NRG3: variants seen among roughly 807,000 people sequenced by gnomAD.
The protein encoded by NRG3 is neuregulin 3, also known as pro-neuregulin-3, membrane-bound isoform.
A neutral mutation model predicts 66.9 loss-of-function variants in NRG3; 31 were observed. The ratio of observed to expected loss-of-function variants is 0.46; its 90% confidence interval spans 0.35 to 0.63. The LOEUF is 0.63. NRG3 is among the 20% of genes least tolerant of loss of function. NRG3 has a pLI of 0.00. For missense variants in NRG3, 910 were observed against 878.9 expected (o/e 1.04, Z -0.45); for synonymous variants, 393 against 359.4 (o/e 1.09, Z -1.06).
intron 1 of NRG3, chr10:82,340,976 A>C (rs921168201): frequency 6.6e-5 from 10 of 152,164 alleles, no homozygotes; most frequent in African/African-American, 2.4e-4. Flanking sequence ...ACTTTAAATA[A>C]CTAAGAGTGT....
rs373347596 is a variant in NRG3 at position 82,737,298 on chromosome 10, T to A, written c.954-1279T>A. Among the ~76,000 whole-genome samples, 9 of 152,274 alleles carry A rather than the reference T, an allele frequency of 5.9e-5. No individual in the cohort carries two copies. The East Asian group carries it at 1.2e-3, about 20-fold the overall frequency. On this transcript the variant is annotated intron_variant, in intron 2 of 8. Transcript: ENST00000372141. Reference sequence around the variant, plus strand: ...AGGTGTTGAAGAGAGCCTGCCCGATTACCTGAATTCCAATTTGGCTCACAA... The same window carrying A: ...AGGTGTTGAAGAGAGCCTGCCCGATAACCTGAATTCCAATTTGGCTCACAA...
chr10:82,691,820 G>T (rs1415842691), intron 2 of NRG3, among the ~76,000 whole-genome samples: 2 of 152,286 alleles, frequency 1.3e-5, no homozygotes, highest in East Asian at 3.9e-4. Flanking sequence ...GAGGGATCAA[G>T]TAACTTGCAA....
In NRG3 at chr10:82,061,872, A is replaced by AAC. The variant is rs71007292; in HGVS notation, c.823+185727_823+185728dup. On this transcript the variant is annotated intron_variant, in intron 1 of 8. Coordinates refer to ENST00000372141, the MANE Select transcript of NRG3 (RefSeq NM_001010848.4). ...TCTCTCTCTCTCTCTCACACACACA[A>AAC]ACACACACACACACACACATACATC... Among the ~76,000 whole-genome samples the AAC allele has an allele frequency of 8.5e-3, 1,087 of 127,686 alleles. 10 individuals carry two copies. The highest frequency in any genetic ancestry group is 0.028 in the African/African-American group (977 of 35,524). 83.8% of individuals were successfully genotyped at this position (127,686 alleles called of 152,430 possible). A position where few individuals can be genotyped will look rare whatever the true frequency, so the allele number is the denominator to read the frequency against.
intron 2 of NRG3, among the ~76,000 whole-genome samples, chr10:82,378,598 T>A (rs1375463225): frequency 1.3e-5 from 2 of 151,868 alleles, no homozygotes; most frequent in South Asian, 2.1e-4. Context: ...TTTGACAGAG[T>A]TTTGCTCTGT....
At chr10:82,236,426 T>G (rs1353132391) in intron 1 of NRG3, among the ~76,000 whole-genome samples, 1 of 152,172 alleles carries the variant, frequency 6.6e-6, no homozygotes, top group Non-Finnish European at 1.5e-5. Flanking sequence ...CCAGGGTGCT[T>G]CTTTTAATTT....
chr10:82,660,196 C>CAAA lies in NRG3; in HGVS notation c.954-78344_954-78342dup, dbSNP rs58870828. Among the ~76,000 whole-genome samples, 15 of 19,562 alleles carry CAAA rather than the reference C, an allele frequency of 7.7e-4. 2 individuals carry two copies. The highest frequency in any genetic ancestry group is 1.4e-3 in the East Asian group (1 of 738). The allele number at this position is 19,562 out of a possible 152,430, so 12.8% of individuals were successfully genotyped here. The stretch of plus-strand genomic sequence containing the variant: ...GGGCGACAAGAGCAAAACTCCCTCT[C>CAAA]AAAAAAAAAAAAAAAAAAAAAAAAA... On this transcript the variant is annotated intron_variant, in intron 2 of 8. Coordinates refer to ENST00000372141, the MANE Select transcript of NRG3 (RefSeq NM_001010848.4).
intron 4 of NRG3, among the ~76,000 whole-genome samples, chr10:82,893,085 A>T (rs1247929259): frequency 3.3e-5 from 5 of 152,212 alleles, no homozygotes; most frequent in Non-Finnish European, 7.3e-5. Flanking sequence ...TTAAAAGATT[A>T]TGTATGATAT....
chr10:82,583,318 G>C (rs1210328786), intron 2 of NRG3, among the ~76,000 whole-genome samples: 1 of 152,122 alleles, frequency 6.6e-6, no homozygotes, highest in Non-Finnish European at 1.5e-5. Context: ...TTCAGTAACA[G>C]TCTAAATCCC....
At chr10:82,250,556 C>A (rs182472835) in intron 1 of NRG3, among the ~76,000 whole-genome samples, 2 of 152,160 alleles carry the variant, frequency 1.3e-5, no homozygotes, top group African/African-American at 2.4e-5. Context: ...CCATTGCACT[C>A]CAGCTTGGGC....
At chr10:81,966,850 A>G (rs1252986022) in intron 1 of NRG3, among the ~76,000 whole-genome samples, 1 of 152,174 alleles carries the variant, frequency 6.6e-6, no homozygotes, top group Non-Finnish European at 1.5e-5. Flanking sequence ...AATTTTTTAT[A>G]CTGCAAGTAA....
chr10:82,813,238 G>A (rs1179147927), intron 3 of NRG3, among the ~76,000 whole-genome samples: 3 of 117,302 alleles, frequency 2.6e-5, no homozygotes, highest in African/African-American at 6.5e-5. Context: ...TTTTGAGACA[G>A]GGTCTTGCTC....
At chr10:82,485,774 A>T (rs1842630697) in intron 2 of NRG3, among the ~76,000 whole-genome samples, 1 of 116,604 alleles carries the variant, frequency 8.6e-6, no homozygotes, top group Admixed American at 1.1e-4. Context: ...TTATATGACC[A>T]CAAAAGTACA....
rs150134053 is a variant in NRG3 at position 82,767,057 on chromosome 10, C to T, written c.1027+28407C>T. Among the ~76,000 whole-genome samples, 272 of 148,062 alleles carry T rather than the reference C, an allele frequency of 1.8e-3. 1 individual carries two copies. The highest frequency in any genetic ancestry group is 5.5e-3 in the African/African-American group (221 of 40,318). ...TATATAAGGATGATATATATAAATC[C>T]TTAATATGTGGATACAATGATCCAT... On this transcript the variant is annotated intron_variant, in intron 3 of 8. Transcript: ENST00000372141.
intron 2 of NRG3, among the ~76,000 whole-genome samples, chr10:82,673,965 G>C (rs532277527): frequency 1.3e-5 from 2 of 152,056 alleles, no homozygotes; most frequent in Non-Finnish European, 2.9e-5. Context: ...AATAAAAGGC[G>C]GGTTTAGGAG....
At chr10:82,401,168 G>C (rs1273875534) in intron 2 of NRG3, among the ~76,000 whole-genome samples, 2 of 151,974 alleles carry the variant, frequency 1.3e-5, no homozygotes, top group African/African-American at 2.4e-5. Flanking sequence ...AGAGGTGTCT[G>C]GTAAGCTAAA....
chr10:82,080,541 A>G (rs2065333030), intron 1 of NRG3, among the ~76,000 whole-genome samples: 1 of 151,998 alleles, frequency 6.6e-6, no homozygotes. Flanking sequence ...CTCTTGCCAC[A>G]TGCTCCTACA....
At chr10:82,077,430 A>G (rs2065150772) in intron 1 of NRG3, among the ~76,000 whole-genome samples, 1 of 152,244 alleles carries the variant, frequency 6.6e-6, no homozygotes, top group South Asian at 2.1e-4. Flanking sequence ...AACAAATATT[A>G]AAATCATTTC....
At chr10:82,288,687 T>C (rs749455591) in intron 1 of NRG3, among the ~76,000 whole-genome samples, 2 of 152,200 alleles carry the variant, frequency 1.3e-5, no homozygotes, top group South Asian at 2.1e-4. Flanking sequence ...TCCAGTGGAA[T>C]GATGCTGTCA....
At chr10:82,543,588 A>C (rs2043694165) in intron 2 of NRG3, among the ~76,000 whole-genome samples, 1 of 152,160 alleles carries the variant, frequency 6.6e-6, no homozygotes, top group African/African-American at 2.4e-5. Flanking sequence ...CTGTTACCTG[A>C]GAGTTAGAAA....
Sources: gnomAD v4.1 joint callset for allele counts (sites outside exome capture counted in the v4.1 genomes callset) on GRCh38, gnomAD v4.1.1 for gene constraint, MANE v1.5 for transcripts, NCBI Gene and HGNC (gene_info 2026-07-23, HGNC 2026-07-21) for gene names.